Variants in MARK3 observed in about 807,000 individuals in gnomAD.
MARK3 encodes the protein MAP/microtubule affinity-regulating kinase 3.
MARK3 carries 46 observed loss-of-function variants against 90.1 expected under a neutral mutation model. The ratio of observed to expected loss-of-function variants is 0.51; its 90% CI spans 0.40 to 0.65. The LOEUF (loss-of-function observed/expected upper bound fraction) is 0.65. Among genes scored for constraint, MARK3 ranks in the 30% least tolerant of loss-of-function variants. The pLI is 0.00. For synonymous variants in MARK3, 321 were observed against 332.6 expected (o/e 0.97, Z 0.38); for missense variants, 818 against 947.2 (o/e 0.86, Z 1.79).
chr14:103,471,361 CCT>C (rs1369346272), intron 12 of MARK3, among the ~76,000 whole-genome samples: 5 of 152,134 alleles, frequency 3.3e-5, no homozygotes, highest in Non-Finnish European at 5.9e-5. Context: ...ACTCACCAAA[CCT>C]CTGTTTTATC....
chr14:103,481,495 A>G (rs113388318), intron 14 of MARK3, among the ~76,000 whole-genome samples: 2 of 152,302 alleles, frequency 1.3e-5, no homozygotes, highest in African/African-American at 4.8e-5. Flanking sequence ...CTTCATCCTT[A>G]GTTCCAAACT....
At chr14:103,412,793 G>T in intron 2 of MARK3, 1 of 419,524 alleles carries the variant, frequency 2.4e-6, no homozygotes, top group South Asian at 2.0e-5. Flanking sequence ...CAGAAAAGAG[G>T]GTTTAGTTGG....
intron 3 of MARK3, among the ~76,000 whole-genome samples, chr14:103,431,980 C>A (rs551045914): frequency 2.0e-5 from 3 of 151,968 alleles, no homozygotes; most frequent in South Asian, 2.1e-4. Context: ...ATTGTTTCCC[C>A]CCTCCCACCT....
intron 1 of MARK3, among the ~76,000 whole-genome samples, chr14:103,391,698 C>G (rs1381272326): frequency 6.8e-6 from 1 of 146,618 alleles, no homozygotes; most frequent in Non-Finnish European, 1.5e-5. Context: ...CTCCCGCCAC[C>G]ATGCCTGGCT....
intron 5 of MARK3, among the ~76,000 whole-genome samples, chr14:103,452,788 G>T (rs1027761739): frequency 6.6e-6 from 1 of 152,168 alleles, no homozygotes; most frequent in Admixed American, 6.5e-5. Flanking sequence ...GTCTTTTTGT[G>T]TCTGGCTGAT....
chr14:103,477,779 A>G (rs530050042), intron 13 of MARK3, among the ~76,000 whole-genome samples: 1 of 152,176 alleles, frequency 6.6e-6, no homozygotes, highest in East Asian at 1.9e-4. Flanking sequence ...TGAGCCCAAG[A>G]GTCTGAGATC....
chr14:103,491,663 C>A, intron 14 of MARK3, 114 bp from the exon 15 acceptor site: 1 of 1,137,490 alleles, frequency 8.8e-7, no homozygotes, highest in Non-Finnish European at 1.2e-6. Context: ...ATAAAATACC[C>A]CTTGGATCTG....
In MARK3 at chr14:103,433,628, T is replaced by G. The variant is rs576383540; in HGVS notation, c.297+5188T>G. Among the ~76,000 whole-genome samples the G allele has an allele frequency of 2.6e-3, 401 of 151,804 alleles. 2 individuals carry two copies. Among genetic ancestry groups the G allele is most frequent in the Non-Finnish European group, 3.7e-3 (254 of 67,882 alleles). Reference sequence around the variant, plus strand: ...TGAACCTCGGAGGCGGAGGTTGCAGTGAGCCGAGATCACACCACTGCACTC... The same window carrying G: ...TGAACCTCGGAGGCGGAGGTTGCAGGGAGCCGAGATCACACCACTGCACTC... On this transcript the variant is annotated intron_variant, in intron 3 of 17. Transcript: ENST00000429436.
intron 12 of MARK3, among the ~76,000 whole-genome samples, chr14:103,469,672 A>G (rs1008394821): frequency 2.6e-5 from 4 of 151,486 alleles, no homozygotes; most frequent in Non-Finnish European, 4.4e-5. Flanking sequence ...AGGCTGGTCT[A>G]GAACTCCTGA....
chr14:103,407,798 A>T (rs1262013337), intron 2 of MARK3, among the ~76,000 whole-genome samples: 1 of 151,862 alleles, frequency 6.6e-6, no homozygotes, highest in East Asian at 1.9e-4. Flanking sequence ...TGACCTGGTG[A>T]TCTGCCCGCC....
intron 13 of MARK3, among the ~76,000 whole-genome samples, chr14:103,476,984 C>T (rs2093725915): frequency 6.6e-6 from 1 of 152,176 alleles, no homozygotes; most frequent in Admixed American, 6.6e-5. Flanking sequence ...CATGACTTCT[C>T]TTCCCCTTTG....
chr14:103,386,357 G>C (rs1401990032), intron 1 of MARK3: 8 of 685,452 alleles, frequency 1.2e-5, no homozygotes, highest in Non-Finnish European at 2.1e-5. Context: ...TGCTTTGAGA[G>C]GCCAGGTTGC....
At chr14:103,452,242 C>T (rs1329212703) in intron 5 of MARK3, among the ~76,000 whole-genome samples, 1 of 151,984 alleles carries the variant, frequency 6.6e-6, no homozygotes, top group African/African-American at 2.4e-5. Context: ...TGAAAATTAT[C>T]GTTAAAATCA....
At chr14:103,478,466 A>G (rs2093757970) in intron 13 of MARK3, among the ~76,000 whole-genome samples, 1 of 148,558 alleles carries the variant, frequency 6.7e-6, no homozygotes, top group Non-Finnish European at 1.5e-5. Context: ...TTTCACATGT[A>G]TCCTTTTGTG....
chr14:103,407,554 C>CTGTT (rs1555373498), intron 2 of MARK3, among the ~76,000 whole-genome samples: 5 of 71,660 alleles, frequency 7.0e-5, no homozygotes, highest in Non-Finnish European at 1.2e-4. Flanking sequence ...TGTTTTGCCT[C>CTGTT]TTTTTTTTTT....
intron 12 of MARK3, among the ~76,000 whole-genome samples, chr14:103,472,326 C>T (rs1376298140): frequency 1.3e-5 from 2 of 151,712 alleles, no homozygotes; most frequent in African/African-American, 4.8e-5. Context: ...AAACACCAAA[C>T]CCATGAAATA....
intron 17 of MARK3, among the ~76,000 whole-genome samples, chr14:103,500,408 A>C (rs1264420685): frequency 6.6e-6 from 1 of 152,216 alleles, no homozygotes; most frequent in Non-Finnish European, 1.5e-5. Flanking sequence ...GTTTGTGTTC[A>C]AAGCACGGCG....
intron 2 of MARK3, chr14:103,412,354 T>C: frequency 1.6e-6 from 1 of 633,366 alleles, no homozygotes; most frequent in Non-Finnish European, 2.8e-6. Context: ...TTTCATCGTG[T>C]GTGAGCAGGG....
intron 13 of MARK3, among the ~76,000 whole-genome samples, chr14:103,476,238 C>G (rs1385214289): frequency 6.6e-6 from 1 of 152,192 alleles, no homozygotes; most frequent in African/African-American, 2.4e-5. Context: ...AAAACAGTGA[C>G]AGTGCAGATG....
Sources: allele counts gnomAD v4.1 joint callset (sites outside exome capture counted in the v4.1 genomes callset), GRCh38; gene constraint gnomAD v4.1.1; transcripts MANE v1.5; gene names NCBI Gene and HGNC (gene_info 2026-07-23, HGNC 2026-07-21).